Variants in HSPA12A observed in about 807,000 individuals in gnomAD.
The protein encoded by HSPA12A is heat shock protein family A (Hsp70) member 12A.
A neutral mutation model predicts 69.2 loss-of-function variants in HSPA12A; 28 were observed. The ratio of observed to expected loss-of-function variants is 0.40; its 90% CI spans 0.30 to 0.55. The LOEUF (loss-of-function observed/expected upper bound fraction) is 0.55. Among genes scored for constraint, HSPA12A ranks in the 20% least tolerant of loss-of-function variants. The pLI, the probability that HSPA12A is intolerant of heterozygous loss-of-function variation, is 0.38. For synonymous variants in HSPA12A, 345 were observed against 370.5 expected, an observed-to-expected ratio of 0.93 and a Z score of 0.79; for missense variants, 686 against 900.7, an observed-to-expected ratio of 0.76 and a Z score of 3.05.
At chr10:116,682,062 C>G (rs1417323344) in intron 7 of HSPA12A, among the ~76,000 whole-genome samples, 185 bp from the exon 8 acceptor site, 1 of 152,168 alleles carries the variant, frequency 6.6e-6, no homozygotes, top group Non-Finnish European at 1.5e-5. Context: ...AAGTGATTTC[C>G]ACCGGCCTTC....
chr10:116,804,748 C>T (rs1362240546), intron 2 of HSPA12A, among the ~76,000 whole-genome samples: 1 of 152,164 alleles, frequency 6.6e-6, no homozygotes, highest in Non-Finnish European at 1.5e-5. Context: ...ACTGGAGGCA[C>T]ATAATCTCCC....
At chr10:116,771,030 G>A (rs1204812068) in intron 2 of HSPA12A, among the ~76,000 whole-genome samples, 1 of 151,792 alleles carries the variant, frequency 6.6e-6, no homozygotes, top group Admixed American at 6.6e-5. Context: ...AGGGGGCAGT[G>A]GACTGCAGGG....
intron 9 of HSPA12A, among the ~76,000 whole-genome samples, chr10:116,680,205 G>T (rs1440388440): frequency 4.6e-5 from 7 of 152,052 alleles, no homozygotes; most frequent in African/African-American, 1.4e-4. Flanking sequence ...GGCCAGGCTG[G>T]TCTCAAACTC....
At chr10:116,697,202 C>T (rs2132953609) in intron 5 of HSPA12A, among the ~76,000 whole-genome samples, 1 of 152,338 alleles carries the variant, frequency 6.6e-6, no homozygotes, top group Middle Eastern at 3.4e-3. Context: ...CTTTAGTGGT[C>T]ACACAATACC....
intron 2 of HSPA12A, among the ~76,000 whole-genome samples, chr10:116,753,251 C>T (rs948877359): frequency 2.6e-5 from 4 of 151,934 alleles, no homozygotes; most frequent in Admixed American, 2.0e-4. Flanking sequence ...GCAAGGCCTG[C>T]GGGCTCAGAC....
intron 2 of HSPA12A, among the ~76,000 whole-genome samples, chr10:116,756,130 G>T (rs1843844562): frequency 6.6e-6 from 1 of 152,126 alleles, no homozygotes; most frequent in Non-Finnish European, 1.5e-5. Context: ...GATAATGAGG[G>T]AGGCTTTGCC....
intron 2 of HSPA12A, among the ~76,000 whole-genome samples, chr10:116,756,278 G>A (rs936730612): frequency 2.6e-5 from 4 of 152,220 alleles, no homozygotes; most frequent in Non-Finnish European, 5.9e-5. Flanking sequence ...TCTGGCTCTC[G>A]CCATTTGATT....
At chr10:116,737,357 G>C (rs542570909) in intron 1 of HSPA12A, among the ~76,000 whole-genome samples, 2 of 152,270 alleles carry the variant, frequency 1.3e-5, no homozygotes, top group South Asian at 4.2e-4. Flanking sequence ...CAGTAGAGCA[G>C]AGATTATTAA....
chr10:116,753,896 A>G (rs1361424896), intron 2 of HSPA12A, among the ~76,000 whole-genome samples: 1 of 152,218 alleles, frequency 6.6e-6, no homozygotes, highest in Non-Finnish European at 1.5e-5. Context: ...AAGTCTAATC[A>G]TATGAACACT....
intron 2 of HSPA12A, among the ~76,000 whole-genome samples, chr10:116,795,228 A>G (rs1428523152): frequency 6.6e-6 from 1 of 152,194 alleles, no homozygotes; most frequent in Non-Finnish European, 1.5e-5. Flanking sequence ...TATTTCTCCA[A>G]ACATGCTAGG....
chr10:116,849,793 G>A, upstream of HSPA12A: 1 of 1,447,062 alleles, frequency 6.9e-7, no homozygotes, highest in Non-Finnish European at 9.2e-7. Flanking sequence ...CCGCGCTGCG[G>A]CAACGCCTTG....
chr10:116,697,425 C>T lies in HSPA12A; in HGVS notation c.546+1210G>A, dbSNP rs11818212. 5.9e-3 allele frequency among the ~76,000 whole-genome samples: 842 copies of T among 142,692 alleles called. 7 individuals carry two copies. Among genetic ancestry groups the T allele is most frequent in the African/African-American group, 0.021 (800 of 37,674 alleles). 93.6% of individuals were successfully genotyped at this position (142,692 alleles called of 152,430 possible). ...GACCCAAGGGGGCTCACGCTATTAG[C>T]TTCTTCCATGGGGTCTGGGGGGATA... On this transcript the variant is annotated intron_variant, in intron 5 of 11. Coordinates refer to ENST00000369209, the MANE Select transcript of HSPA12A (RefSeq NM_025015.3).
chr10:116,797,425 T>C (rs1357847451), intron 2 of HSPA12A, among the ~76,000 whole-genome samples: 1 of 152,138 alleles, frequency 6.6e-6, no homozygotes, highest in Non-Finnish European at 1.5e-5. Context: ...GTCAAATGTG[T>C]GCTCCCGCTT....
intron 2 of HSPA12A, among the ~76,000 whole-genome samples, chr10:116,815,912 G>A (rs1051904637): frequency 6.6e-6 from 1 of 152,126 alleles, no homozygotes; most frequent in Non-Finnish European, 1.5e-5. Flanking sequence ...TCTCCCTCTC[G>A]GCCCCCGCGG....
chr10:116,805,255 G>T (rs1845044608), intron 2 of HSPA12A, among the ~76,000 whole-genome samples: 1 of 152,180 alleles, frequency 6.6e-6, no homozygotes, highest in Non-Finnish European at 1.5e-5. Context: ...GGCGGAGCTT[G>T]CAGTGAGCCG....
intron 2 of HSPA12A, chr10:116,750,194 C>T (rs1851743507): frequency 3.0e-6 from 2 of 666,604 alleles, no homozygotes; most frequent in Non-Finnish European, 5.5e-6. Context: ...TGCTGCGGCA[C>T]ATTGTCCTGG....
In HSPA12A at chr10:116,696,002, C is replaced by CAAAAAAAAAAAAAAAAAAAAAA. The variant is rs71013609; in HGVS notation, c.546+2632_546+2633insTTTTTTTTTTTTTTTTTTTTTT. On this transcript the variant is annotated intron_variant, in intron 5 of 11. Coordinates refer to ENST00000369209, the MANE Select transcript of HSPA12A (RefSeq NM_025015.3). The stretch of plus-strand genomic sequence containing the variant: ...TGGGCAACAGAGAGAGACTCCATCT[C>CAAAAAAAAAAAAAAAAAAAAAA]AAAAAAAAAAAAAAAAAAAAAGGCT... 1.1e-3 allele frequency among the ~76,000 whole-genome samples: 36 copies of CAAAAAAAAAAAAAAAAAAAAAA among 32,714 alleles called. 2 individuals are homozygous for CAAAAAAAAAAAAAAAAAAAAAA. The highest frequency in any genetic ancestry group is 8.4e-3 in the East Asian group (9 of 1,066). The allele number at this position is 32,714 out of a possible 152,430, so 21.5% of individuals were successfully genotyped here.
intron 5 of HSPA12A, chr10:116,698,368 C>T (rs1038187053): frequency 2.6e-5 from 9 of 340,668 alleles, no homozygotes; most frequent in Admixed American, 1.3e-4. Flanking sequence ...ATTTCTCCAC[C>T]CAGGAGTGGA....
rs533737436 is a variant in HSPA12A, at chr10:116,707,094, A to T, written c.126+106T>A. The T allele has an allele frequency of 2.4e-4, 217 of 898,996 alleles. 1 individual carries two copies. Among genetic ancestry groups the T allele is most frequent in the South Asian group, 2.3e-3 (135 of 58,412 alleles). 55.7% of individuals were successfully genotyped at this position (898,996 alleles called of 1,614,324 possible). On this transcript the variant is annotated intron_variant, in intron 2 of 11. Coordinates refer to ENST00000369209, the MANE Select transcript of HSPA12A (RefSeq NM_025015.3). ...GCTGTCCAGCAGCCTGAACTGTGAG[A>T]TCAGACCCAGAATGCAAAGGAAGTC... is the stretch of plus-strand genomic sequence containing the variant.
Sources: gnomAD v4.1 joint callset for allele counts (sites outside exome capture counted in the v4.1 genomes callset) on GRCh38, gnomAD v4.1.1 for gene constraint, MANE v1.5 for transcripts, NCBI Gene and HGNC (gene_info 2026-07-23, HGNC 2026-07-21) for gene names.